NCKAP5: variants seen among roughly 807,000 people sequenced by gnomAD.
The protein encoded by NCKAP5 is nck-associated protein 5.
In NCKAP5, 92 loss-of-function variants were observed where a neutral mutation model predicts 167.0. The ratio of observed to expected loss-of-function variants is 0.55; its 90% CI spans 0.47 to 0.66. The LOEUF (loss-of-function observed/expected upper bound fraction) is 0.66. Among genes scored for constraint, NCKAP5 ranks in the 30% least tolerant of loss-of-function variants. The pLI is 0.00. For synonymous variants in NCKAP5, 891 were observed against 877.4 expected (o/e 1.02, Z -0.27); for missense variants, 2,378 against 2,315.0 (o/e 1.03, Z -0.56).
chr2:133,172,163 A>G (rs2084275997), intron 5 of NCKAP5, among the ~76,000 whole-genome samples: 1 of 152,238 alleles, frequency 6.6e-6, no homozygotes. Context: ...GGCGTAAAAT[A>G]TCTATACTTA....
chr2:133,094,317 C>G (rs1347543091), intron 6 of NCKAP5, among the ~76,000 whole-genome samples: 1 of 152,056 alleles, frequency 6.6e-6, no homozygotes, highest in East Asian at 1.9e-4. Context: ...AATCAGGGAG[C>G]CGGAGGGTTT....
chr2:132,683,196 T>C (rs543344937), intron 19 of NCKAP5, among the ~76,000 whole-genome samples: 25 of 152,166 alleles, frequency 1.6e-4, no homozygotes, highest in African/African-American at 5.3e-4. Context: ...AGTCTATAGA[T>C]GGACGAATAT....
intron 3 of NCKAP5, among the ~76,000 whole-genome samples, chr2:133,323,010 G>A (rs1381346792): frequency 6.6e-6 from 1 of 152,164 alleles, no homozygotes; most frequent in African/African-American, 2.4e-5. Flanking sequence ...TTTTGAGTAT[G>A]GAAAGACAGA....
intron 8 of NCKAP5, among the ~76,000 whole-genome samples, chr2:132,933,185 A>G (rs1043634996): frequency 1.3e-5 from 2 of 152,058 alleles, no homozygotes; most frequent in African/African-American, 4.8e-5. Flanking sequence ...GCGGCCTCCC[A>G]AAGTGCTGGG....
chr2:133,366,755 C>CA (rs1487506461), intron 3 of NCKAP5, among the ~76,000 whole-genome samples: 39 of 152,170 alleles, frequency 2.6e-4, no homozygotes, highest in African/African-American at 9.4e-4. Context: ...TAATGTGACT[C>CA]AAAATCAGAA....
intron 7 of NCKAP5, among the ~76,000 whole-genome samples, chr2:132,969,415 A>G (rs1357315775): frequency 6.6e-6 from 1 of 151,836 alleles, no homozygotes; most frequent in African/African-American, 2.4e-5. Flanking sequence ...GAATTCTTAG[A>G]GAACAAGGAA....
intron 3 of NCKAP5, among the ~76,000 whole-genome samples, chr2:133,354,954 G>T (rs1407961565): frequency 6.6e-6 from 1 of 152,016 alleles, no homozygotes; most frequent in Non-Finnish European, 1.5e-5. Flanking sequence ...TGGTTAATAT[G>T]GTGTGGAATA....
At chr2:133,558,643 C>G (rs901475727) in intron 2 of NCKAP5, among the ~76,000 whole-genome samples, 4 of 120,250 alleles carry the variant, frequency 3.3e-5, no homozygotes, top group East Asian at 5.0e-4. Context: ...ACAATTTTGC[C>G]AAACGAAATG....
At chr2:132,679,250 A>G (rs1033218647) in intron 19 of NCKAP5, among the ~76,000 whole-genome samples, 1 of 152,158 alleles carries the variant, frequency 6.6e-6, no homozygotes, top group Admixed American at 6.5e-5. Flanking sequence ...CTACAGCATG[A>G]AGGAACAGAA....
chr2:132,884,335 G>A (rs1692042040), intron 8 of NCKAP5, among the ~76,000 whole-genome samples: 1 of 152,156 alleles, frequency 6.6e-6, no homozygotes, highest in Non-Finnish European at 1.5e-5. Flanking sequence ...TGACTTTGCT[G>A]TTCCCTTCAG....
At chr2:132,859,232 T>C (rs191378292) in intron 11 of NCKAP5, among the ~76,000 whole-genome samples, 39 of 152,344 alleles carry the variant, frequency 2.6e-4, no homozygotes, top group Non-Finnish European at 2.9e-5. Flanking sequence ...AGAGCTGTTT[T>C]ATTTTAATTT....
intron 3 of NCKAP5, among the ~76,000 whole-genome samples, chr2:133,473,804 T>C (rs554961800): frequency 4.3e-4 from 65 of 152,350 alleles, no homozygotes; most frequent in African/African-American, 1.3e-3. Context: ...TCTTTGTCAA[T>C]TGGCAAACAG....
At chr2:132,913,952 G>A (rs557729847) in intron 8 of NCKAP5, among the ~76,000 whole-genome samples, 102 of 152,018 alleles carry the variant, frequency 6.7e-4, no homozygotes, top group African/African-American at 2.2e-3. Flanking sequence ...CTGCTTTTTC[G>A]TTTAGCCCAA....
intron 7 of NCKAP5, among the ~76,000 whole-genome samples, chr2:132,974,075 C>A (rs952682887): frequency 6.6e-6 from 1 of 152,200 alleles, no homozygotes; most frequent in South Asian, 2.1e-4. Context: ...GTTTCCAACT[C>A]ACTCATTATT....
At chr2:132,731,640 T>C in intron 17 of NCKAP5, 97 bp downstream of exon 17, 1 of 1,311,216 alleles carries the variant, frequency 7.6e-7, no homozygotes, top group Non-Finnish European at 1.0e-6. Flanking sequence ...TCTACATTTT[T>C]ATCAGGCAGG....
At chr2:132,818,023 C>G (rs1038587603) in intron 11 of NCKAP5, among the ~76,000 whole-genome samples, 4 of 152,256 alleles carry the variant, frequency 2.6e-5, no homozygotes, top group Non-Finnish European at 5.9e-5. Context: ...TCATGGCTCA[C>G]TGCGGCCTCC....
At chr2:133,081,220 C>T (rs1317299136) in intron 6 of NCKAP5, among the ~76,000 whole-genome samples, 2 of 152,100 alleles carry the variant, frequency 1.3e-5, no homozygotes, top group Non-Finnish European at 2.9e-5. Flanking sequence ...ATATTTTACG[C>T]TCTCTTCCTA....
At chr2:132,806,195 G>A (rs190841363) in intron 11 of NCKAP5, among the ~76,000 whole-genome samples, 302 of 152,246 alleles carry the variant, frequency 2.0e-3, no homozygotes, top group African/African-American at 6.8e-3. Context: ...ATGTGGGTTG[G>A]TTACACAATT....
chr2:133,257,926 T>C (rs1045872714), intron 4 of NCKAP5, among the ~76,000 whole-genome samples: 36 of 152,176 alleles, frequency 2.4e-4, no homozygotes, highest in Admixed American at 6.5e-5. Flanking sequence ...AAGAACCAGA[T>C]TCCCAACTGT....
Sources: gnomAD v4.1 joint callset for allele counts (sites outside exome capture counted in the v4.1 genomes callset) on GRCh38, gnomAD v4.1.1 for gene constraint, MANE v1.5 for transcripts, NCBI Gene and HGNC (gene_info 2026-07-23, HGNC 2026-07-21) for gene names.